The following GABBR2 variants were observed in gnomAD, a reference collection of about 807,000 sequenced individuals.
GABBR2 encodes gamma-aminobutyric acid type B receptor subunit 2, also known as G-protein coupled receptor 51.
Under a neutral mutation model 105.6 loss-of-function variants are expected in GABBR2, and 23 were observed. That is an observed-to-expected ratio of 0.22 (90% CI 0.16 to 0.31). GABBR2 has a LOEUF of 0.31. Ranked by LOEUF, GABBR2 falls within the 10% of genes least tolerant of loss-of-function variation. The pLI, the probability that GABBR2 is intolerant of heterozygous loss-of-function variation, is 1.00. For missense variants in GABBR2, 734 were observed against 1,245.5 expected, an observed-to-expected ratio of 0.59 and a Z score of 6.18; for synonymous variants, 478 against 499.7, an observed-to-expected ratio of 0.96 and a Z score of 0.58.
At chr9:98,423,365 G>A (rs1260007304) in intron 7 of GABBR2, among the ~76,000 whole-genome samples, 2 of 152,340 alleles carry the variant, frequency 1.3e-5, no homozygotes, top group African/African-American at 4.8e-5. Context: ...GGCCAGTGAC[G>A]ATGAGCATTT....
intron 13 of GABBR2, among the ~76,000 whole-genome samples, chr9:98,350,376 G>C (rs1831377894): frequency 6.6e-6 from 1 of 151,994 alleles, no homozygotes; most frequent in Non-Finnish European, 1.5e-5. Flanking sequence ...AGTGTTAATT[G>C]CTATACGTTT....
chr9:98,645,046 C>G (rs924169376), intron 1 of GABBR2, among the ~76,000 whole-genome samples: 2 of 152,108 alleles, frequency 1.3e-5, no homozygotes, highest in African/African-American at 4.8e-5. Context: ...GTGAGGCACA[C>G]GCTGACAAGA....
At chr9:98,690,391 A>G (rs990401161) in intron 1 of GABBR2, among the ~76,000 whole-genome samples, 1 of 152,132 alleles carries the variant, frequency 6.6e-6, no homozygotes, top group Non-Finnish European at 1.5e-5. Flanking sequence ...TAAACACCTA[A>G]AACTGATTTA....
chr9:98,329,234 A>C (rs144749411), intron 13 of GABBR2, among the ~76,000 whole-genome samples: 92 of 152,296 alleles, frequency 6.0e-4, no homozygotes, highest in Non-Finnish European at 7.4e-4. Context: ...GTTTGTAGGA[A>C]TGGTTTAAAC....
intron 3 of GABBR2, among the ~76,000 whole-genome samples, chr9:98,531,576 G>A (rs527943153): frequency 6.6e-6 from 1 of 152,350 alleles, no homozygotes; most frequent in Non-Finnish European, 1.5e-5. Context: ...CTAGAAACTG[G>A]AGCCCCTGAC....
intron 1 of GABBR2, among the ~76,000 whole-genome samples, chr9:98,625,465 T>C (rs543595042): frequency 1.2e-4 from 18 of 152,336 alleles, no homozygotes; most frequent in African/African-American, 4.1e-4. Context: ...ACAGAGAGAA[T>C]GAGAACTTGG....
intron 1 of GABBR2, among the ~76,000 whole-genome samples, chr9:98,665,837 AG>A (rs1170554651): frequency 6.6e-6 from 1 of 152,202 alleles, no homozygotes; most frequent in East Asian, 1.9e-4. Flanking sequence ...CCAACCCTCG[AG>A]GGATGCGACC....
chr9:98,296,929 G>A (rs1275328292), intron 17 of GABBR2, among the ~76,000 whole-genome samples: 1 of 151,884 alleles, frequency 6.6e-6, no homozygotes, highest in Non-Finnish European at 1.5e-5. Flanking sequence ...TGTGATTTCT[G>A]TTTTGCATCA....
At chr9:98,520,411 C>G (rs756915623) in intron 3 of GABBR2, among the ~76,000 whole-genome samples, 6 of 152,194 alleles carry the variant, frequency 3.9e-5, no homozygotes, top group Non-Finnish European at 8.8e-5. Context: ...CTTTTCACCA[C>G]CCCCGGAAGG....
intron 3 of GABBR2, among the ~76,000 whole-genome samples, chr9:98,540,267 C>T (rs79821705): frequency 3.3e-5 from 5 of 152,198 alleles, no homozygotes; most frequent in Non-Finnish European, 7.3e-5. Flanking sequence ...TTCCACTTTT[C>T]ACGCACCTCC....
At chr9:98,652,791 C>A (rs1372423587) in intron 1 of GABBR2, among the ~76,000 whole-genome samples, 1 of 152,212 alleles carries the variant, frequency 6.6e-6, no homozygotes, top group Non-Finnish European at 1.5e-5. Flanking sequence ...ACCAGGTGGC[C>A]ACCAGAGGGG....
chr9:98,526,852 AT>A (rs1158315603), intron 3 of GABBR2, among the ~76,000 whole-genome samples: 1 of 152,162 alleles, frequency 6.6e-6, no homozygotes, highest in African/African-American at 2.4e-5. Flanking sequence ...ACATTTTAGC[AT>A]GCATAGCTAA....
intron 4 of GABBR2, among the ~76,000 whole-genome samples, chr9:98,491,316 A>G (rs1827171893): frequency 6.6e-6 from 1 of 151,934 alleles, no homozygotes; most frequent in African/African-American, 2.4e-5. Context: ...TTTACCTTCA[A>G]CCTTTCAGTG....
Position 98,413,662 on chromosome 9 carries a change from G to A in GABBR2, c.1237-7521C>T, listed in dbSNP as rs144918505. Among the ~76,000 whole-genome samples, 142 of 152,312 alleles carry A rather than the reference G, an allele frequency of 9.3e-4. 1 individual carries two copies. Among genetic ancestry groups the A allele is most frequent in the Admixed American group, 1.4e-3 (21 of 15,296 alleles). Reference sequence around the variant, plus strand: ...GTCTGTCCCACTGCCAGCCTTCGGCGGGTGGACAATAAGGATGCAGGGGCA... The same window carrying A: ...GTCTGTCCCACTGCCAGCCTTCGGCAGGTGGACAATAAGGATGCAGGGGCA... On this transcript the variant is annotated intron_variant, in intron 7 of 18. Transcript: ENST00000259455.
At chr9:98,394,306 T>G in intron 8 of GABBR2, 51 bp from the exon 9 acceptor site, 1 of 1,308,074 alleles carries the variant, frequency 7.6e-7, no homozygotes, top group Non-Finnish European at 1.1e-6. Context: ...TGGGTTTGTG[T>G]CTGGGTGCTC....
intron 7 of GABBR2, among the ~76,000 whole-genome samples, chr9:98,451,785 T>G (rs956740113): frequency 6.6e-6 from 1 of 152,192 alleles, no homozygotes; most frequent in Non-Finnish European, 1.5e-5. Flanking sequence ...CCCAGCCTCC[T>G]TATCCAGCTT....
At chr9:98,440,823 T>G (rs1363607480) in intron 7 of GABBR2, among the ~76,000 whole-genome samples, 1 of 152,220 alleles carries the variant, frequency 6.6e-6, no homozygotes, top group Non-Finnish European at 1.5e-5. Context: ...CCCACAGCCA[T>G]GCCATCCTGT....
chr9:98,651,306 G>A lies in GABBR2; in HGVS notation c.321+57111C>T, dbSNP rs537153198. Among the ~76,000 whole-genome samples, 3 of 152,106 alleles carry A rather than the reference G, an allele frequency of 2.0e-5. No individual in the cohort carries two copies. In the South Asian group the frequency reaches 6.2e-4, roughly 32 times the overall value. ...TTACAGGCATGCACCACCACGCCCAGCTAATTTTTTTATTTTTAGTAGAGA... is the reference window on the plus strand; with the variant it reads ...TTACAGGCATGCACCACCACGCCCAACTAATTTTTTTATTTTTAGTAGAGA... On this transcript the variant is annotated intron_variant, in intron 1 of 18. Transcript: ENST00000259455.
intron 6 of GABBR2, among the ~76,000 whole-genome samples, chr9:98,457,505 C>T (rs1446368142): frequency 6.6e-6 from 1 of 152,088 alleles, no homozygotes; most frequent in Non-Finnish European, 1.5e-5. Flanking sequence ...CAACAAAAGT[C>T]CCTATATAAA....
Sources: allele counts gnomAD v4.1 joint callset (sites outside exome capture counted in the v4.1 genomes callset), GRCh38; gene constraint gnomAD v4.1.1; transcripts MANE v1.5; gene names NCBI Gene and HGNC (gene_info 2026-07-23, HGNC 2026-07-21).